The following RPL31 variants were observed in gnomAD, a reference collection of about 807,000 sequenced individuals.
The protein encoded by RPL31 is ribosomal protein L31.
For synonymous variants in RPL31, 51 were observed against 55.0 expected (o/e 0.93, Z 0.32); for missense variants, 95 against 164.0 (o/e 0.58, Z 2.30).
chr2:101,011,936 A>G (rs1679247308), downstream of RPL31, among the ~76,000 whole-genome samples: 1 of 152,244 alleles, frequency 6.6e-6, no homozygotes, highest in South Asian at 2.1e-4. Flanking sequence ...GTAATTGGTA[A>G]TGATGTTAAA....
chr2:101,011,202 TCTG>T (rs1679182676), downstream of RPL31: 2 of 712,754 alleles, frequency 2.8e-6, no homozygotes, highest in Non-Finnish European at 4.6e-6. Flanking sequence ...CTGGGGGACT[TCTG>T]CTCTAAGAGG....
At chr2:101,005,130 G>A (rs938834338) in intron 3 of RPL31, 1 of 152,296 alleles carries the variant, frequency 6.6e-6, no homozygotes, top group Admixed American at 6.5e-5. Flanking sequence ...GGGATAAGAG[G>A]AATGGGATTA....
chr2:101,018,977 T>C, intron 4 of RPL31: 1 of 1,610,318 alleles, frequency 6.2e-7, no homozygotes, highest in Non-Finnish European at 8.5e-7. Context: ...TACCAAATCA[T>C]CTGTAATATT....
downstream of RPL31, chr2:101,008,118 C>T (rs759825483): frequency 9.3e-6 from 15 of 1,613,784 alleles, no homozygotes; most frequent in South Asian, 1.1e-4. Context: ...CCCCACACTC[C>T]TGGGAGCAGC....
intron 4 of RPL31, chr2:101,017,767 T>TG: frequency 7.1e-7 from 1 of 1,413,674 alleles, no homozygotes; most frequent in East Asian, 2.5e-5. Flanking sequence ...AAGGATAAGA[T>TG]GTTACCAAAA....
chr2:101,011,934 T>C (rs992034033), downstream of RPL31, among the ~76,000 whole-genome samples: 4 of 152,244 alleles, frequency 2.6e-5, no homozygotes, highest in African/African-American at 9.6e-5. Flanking sequence ...GAGTAATTGG[T>C]AATGATGTTA....
chr2:101,006,148 T>G, intron 4 of RPL31, 77 bp downstream of exon 4: 1 of 1,563,504 alleles, frequency 6.4e-7, no homozygotes, highest in Non-Finnish European at 8.7e-7. Context: ...AATTCATCTG[T>G]TAAGCTAGGG....
At position 101,004,143 on chromosome 2, in the gene RPL31, AT is replaced by A; in HGVS notation, c.108-14del. ...TTGTGCTCCTTTAATTTGTTCACTT[AT>A]GTTTGAATCGTAGGGGCTTCAAGAA... is the stretch of plus-strand genomic sequence containing the variant. On this transcript the variant is annotated splice_polypyrimidine_tract_variant and intron_variant, in intron 2 of 4. Transcript: ENST00000264258. 2 of 1,612,004 alleles carry A rather than the reference AT, an allele frequency of 1.2e-6. No individual in the cohort carries two copies. Among genetic ancestry groups the A allele is most frequent in the Non-Finnish European group, 1.7e-6 (2 of 1,179,180 alleles).
chr2:101,015,100 G>A (rs13414395), intron 4 of RPL31, among the ~76,000 whole-genome samples: 2,993 of 152,224 alleles, frequency 0.02, 106 homozygotes, highest in African/African-American at 0.069. Context: ...TACACACCTC[G>A]CCTATAAAGT....
chr2:101,007,820 G>A (rs1678843739), downstream of RPL31: 2 of 1,613,050 alleles, frequency 1.2e-6, no homozygotes, highest in South Asian at 1.1e-5. Context: ...CTGCTGTCTT[G>A]CTACAAGTTA....
At chr2:101,002,371 G>C in intron 1 of RPL31, 56 bp downstream of exon 1, 1 of 286,624 alleles carries the variant, frequency 3.5e-6, no homozygotes, top group East Asian at 7.8e-5. Flanking sequence ...CCTCCTTTGG[G>C]ATTGTGCTAA....
At chr2:101,011,797 T>C (rs1679236494), downstream of RPL31, among the ~76,000 whole-genome samples, 1 of 152,186 alleles carries the variant, frequency 6.6e-6, no homozygotes, top group Non-Finnish European at 1.5e-5. Context: ...TACACATTCA[T>C]AGAAGGACAC....
chr2:101,007,810 C>T (rs771578429), downstream of RPL31: 6 of 1,611,388 alleles, frequency 3.7e-6, no homozygotes, highest in African/African-American at 1.3e-5. Flanking sequence ...TGCATAGCAG[C>T]TGCTGTCTTG....
At chr2:101,010,895 A>T, downstream of RPL31, 3 of 1,573,600 alleles carry the variant, frequency 1.9e-6, no homozygotes, top group African/African-American at 1.4e-5. Flanking sequence ...AAAAAAAAAA[A>T]AAGTTAATTC....
At chr2:101,002,420 C>G (rs541075597) in intron 1 of RPL31, 105 bp downstream of exon 1, 115 of 436,610 alleles carry the variant, frequency 2.6e-4, no homozygotes, top group African/African-American at 2.2e-3. Context: ...GCCCGGGGCT[C>G]CGGTTGTGGG....
exon 5 of RPL31, chr2:101,019,052 G>A (rs1333777981): frequency 1.2e-6 from 2 of 1,609,496 alleles, no homozygotes; most frequent in Non-Finnish European, 1.7e-6. Context: ...GAGCCCTCCT[G>A]GAAGTGGATG....
Sources: allele counts gnomAD v4.1 joint callset (sites outside exome capture counted in the v4.1 genomes callset), GRCh38; gene constraint gnomAD v4.1.1; transcripts MANE v1.5; gene names NCBI Gene and HGNC (gene_info 2026-07-23, HGNC 2026-07-21).